The following JAZF1 variants were observed in gnomAD, a reference collection of about 807,000 sequenced individuals.
JAZF1 encodes juxtaposed with another zinc finger protein 1.
Under a neutral mutation model 26.4 loss-of-function variants are expected in JAZF1, and 8 were observed. The observed-to-expected ratio is 0.30, with a 90% confidence interval of 0.18 to 0.55. JAZF1 has a LOEUF of 0.55. JAZF1 is among the 20% of genes least tolerant of loss of function. The pLI is 0.94. For synonymous variants in JAZF1, 126 were observed against 122.3 expected (o/e 1.03, Z -0.20); for missense variants, 199 against 322.0 (o/e 0.62, Z 2.92).
At chr7:28,046,515 G>A (rs17156253) in intron 1 of JAZF1, among the ~76,000 whole-genome samples, 8,246 of 152,196 alleles carry the variant, frequency 0.054, 393 homozygotes, top group African/African-American at 0.12. Context: ...ATGAATGTCC[G>A]CAGTATAGCA....
chr7:28,071,673 T>G (rs1397386962), intron 1 of JAZF1: 1 of 470,272 alleles, frequency 2.1e-6, no homozygotes, highest in Non-Finnish European at 4.4e-6. Context: ...TGACGGCACT[T>G]ACAGCTGATT....
At chr7:28,117,620 A>G (rs112538560) in intron 1 of JAZF1, among the ~76,000 whole-genome samples, 323 of 152,348 alleles carry the variant, frequency 2.1e-3, no homozygotes, top group Middle Eastern at 0.01. Context: ...ATCCCATGGA[A>G]AACACAATTT....
chr7:27,862,312 G>C (rs1253170277), intron 3 of JAZF1, among the ~76,000 whole-genome samples: 1 of 152,108 alleles, frequency 6.6e-6, no homozygotes, highest in African/African-American at 2.4e-5. Context: ...CCCAGGTCCT[G>C]GGCATGGTAA....
chr7:28,002,346 T>C lies in JAZF1; in HGVS notation c.116-10365A>G, dbSNP rs536750822. Among the ~76,000 whole-genome samples the C allele has an allele frequency of 5.3e-5, 8 of 152,244 alleles. No homozygotes were observed. In the East Asian group the frequency reaches 1.5e-3, roughly 29 times the overall value. On this transcript the variant is annotated intron_variant, in intron 1 of 4. Coordinates refer to ENST00000283928, the MANE Select transcript of JAZF1 (RefSeq NM_175061.4). ...AGACGGGGGGGAAAAAAGAATAGAA[T>C]AAAAATTGGCCCTGAGTTCAGTTTT... is the stretch of plus-strand genomic sequence containing the variant.
chr7:27,950,158 G>T (rs1249741504), intron 2 of JAZF1, among the ~76,000 whole-genome samples: 1 of 152,200 alleles, frequency 6.6e-6, no homozygotes, highest in Non-Finnish European at 1.5e-5. Context: ...TGTCAAATGA[G>T]ACTATGTATA....
At chr7:27,906,959 T>A (rs979615181) in intron 2 of JAZF1, among the ~76,000 whole-genome samples, 2 of 152,190 alleles carry the variant, frequency 1.3e-5, no homozygotes, top group African/African-American at 4.8e-5. Flanking sequence ...TAGAAGTAAA[T>A]TAAATGAGTT....
At chr7:28,106,932 G>T (rs1583563568) in intron 1 of JAZF1, among the ~76,000 whole-genome samples, 1 of 152,176 alleles carries the variant, frequency 6.6e-6, no homozygotes, top group Non-Finnish European at 1.5e-5. Flanking sequence ...TGGAACTGGA[G>T]GAATCTGAGA....
chr7:28,088,406 A>G (rs1784241976), intron 1 of JAZF1, among the ~76,000 whole-genome samples: 1 of 152,222 alleles, frequency 6.6e-6, no homozygotes, highest in African/African-American at 2.4e-5. Flanking sequence ...AATAAGTGCT[A>G]TTGGTGGCTC....
intron 1 of JAZF1, among the ~76,000 whole-genome samples, chr7:27,999,073 C>T (rs1160536254): frequency 6.6e-6 from 1 of 152,170 alleles, no homozygotes; most frequent in East Asian, 1.9e-4. Context: ...CGCCTTGTTA[C>T]TTGTGAGAAA....
At chr7:27,950,026 C>T (rs1784983707) in intron 2 of JAZF1, among the ~76,000 whole-genome samples, 2 of 152,186 alleles carry the variant, frequency 1.3e-5, no homozygotes, top group African/African-American at 2.4e-5. Flanking sequence ...ACCTGCTTTT[C>T]ACGATACTTT....
chr7:28,152,087 C>T (rs1409162650), intron 1 of JAZF1, among the ~76,000 whole-genome samples: 1 of 152,132 alleles, frequency 6.6e-6, no homozygotes, highest in Non-Finnish European at 1.5e-5. Context: ...TTCGATTTGA[C>T]TTAATTATGT....
chr7:27,938,714 C>T (rs1784795464), intron 2 of JAZF1, among the ~76,000 whole-genome samples: 1 of 152,078 alleles, frequency 6.6e-6, no homozygotes, highest in African/African-American at 2.4e-5. Flanking sequence ...CTCTGTTGCC[C>T]AGGCTGGAGT....
At chr7:27,888,840 C>A (rs1481814906) in intron 3 of JAZF1, among the ~76,000 whole-genome samples, 2 of 152,098 alleles carry the variant, frequency 1.3e-5, no homozygotes, top group Non-Finnish European at 2.9e-5. Context: ...GAATTTTCCC[C>A]CCCAGAGTGC....
chr7:28,097,556 C>T (rs1335980045), intron 1 of JAZF1, among the ~76,000 whole-genome samples: 2 of 152,194 alleles, frequency 1.3e-5, no homozygotes, highest in Non-Finnish European at 2.9e-5. Flanking sequence ...AACACAGGTA[C>T]ATTAACTTAA....
rs1162287932 is a variant in JAZF1 at position 27,832,791 on chromosome 7, A to T, written c.*9T>A. On this transcript the variant is annotated 3_prime_UTR_variant, in exon 5 of 5. Transcript: ENST00000283928. ...GTGAGGATTTCTTGGCACAGTTATG[A>T]CCAGCATGTTATTGCTGCATCTTCC... 6.4e-7 allele frequency: 1 copy of T among 1,555,202 alleles called. No homozygotes were observed. The highest frequency in any genetic ancestry group is 8.7e-7 in the Non-Finnish European group (1 of 1,146,900).
intron 1 of JAZF1, among the ~76,000 whole-genome samples, chr7:28,114,723 T>C (rs1479626093): frequency 6.6e-6 from 1 of 151,278 alleles, no homozygotes; most frequent in Non-Finnish European, 1.5e-5. Flanking sequence ...ACACAACACC[T>C]TTCAGGGGAC....
chr7:27,891,909 T>A (rs573428397), intron 3 of JAZF1, among the ~76,000 whole-genome samples: 13 of 152,110 alleles, frequency 8.5e-5, no homozygotes, highest in Non-Finnish European at 1.3e-4. Flanking sequence ...ACTCGAAACT[T>A]TAGGATAAAG....
intron 1 of JAZF1, among the ~76,000 whole-genome samples, chr7:28,058,128 G>A (rs556593987): frequency 7.2e-5 from 11 of 152,274 alleles, no homozygotes; most frequent in Admixed American, 3.9e-4. Flanking sequence ...AAGTGAAGGC[G>A]GTGGTACTGA....
intron 1 of JAZF1, among the ~76,000 whole-genome samples, chr7:28,039,050 T>C (rs576687522): frequency 6.6e-6 from 1 of 152,298 alleles, no homozygotes; most frequent in African/African-American, 2.4e-5. Context: ...AACAAATTAA[T>C]AAAGAGTGGC....
Sources: allele counts gnomAD v4.1 joint callset (sites outside exome capture counted in the v4.1 genomes callset), GRCh38; gene constraint gnomAD v4.1.1; transcripts MANE v1.5; gene names NCBI Gene and HGNC (gene_info 2026-07-23, HGNC 2026-07-21).